Variants in TP73 observed in about 807,000 individuals in gnomAD.
TP73 encodes p53-like transcription factor.
A neutral mutation model predicts 62.5 loss-of-function variants in TP73; 25 were observed. That is an observed-to-expected ratio of 0.40 (90% CI 0.29 to 0.56). TP73 has a LOEUF of 0.56. TP73 is among the 20% of genes least tolerant of loss of function. The pLI, the probability that TP73 is intolerant of heterozygous loss-of-function variation, is 0.46. For synonymous variants in TP73, 423 were observed against 377.5 expected, an observed-to-expected ratio of 1.12 and a Z score of -1.40; for missense variants, 754 against 913.3, an observed-to-expected ratio of 0.83 and a Z score of 2.25.
At position 3,682,222 on chromosome 1, in the gene TP73, C is replaced by T; in HGVS notation, c.-33-111C>T. On this transcript the variant is annotated intron_variant, in intron 1 of 13. Transcript: ENST00000378295. ...GGAGGGCAAGGCGGGGGCACCTGCT[C>T]CAGGGATGCCCCAGGCAGGCCCACT... 4.0e-6 allele frequency: 3 copies of T among 750,002 alleles called. No homozygotes were observed. In the South Asian group the frequency reaches 8.5e-5, roughly 21 times the overall value. The allele number at this position is 750,002 out of a possible 1,614,324, so 46.5% of individuals were successfully genotyped here.
intron 3 of TP73, chr1:3,690,768 T>C: frequency 6.8e-7 from 1 of 1,481,010 alleles, no homozygotes; most frequent in South Asian, 1.3e-5. Context: ...CCTGCCTCAC[T>C]AGCTGCGGAG....
At chr1:3,730,269 C>G in intron 11 of TP73, 121 bp downstream of exon 11, 1 of 1,188,502 alleles carries the variant, frequency 8.4e-7, no homozygotes, top group Non-Finnish European at 1.1e-6. Context: ...CTGGCTCCTT[C>G]CAGCGGTTCC....
In TP73 at chr1:3,722,290, G is replaced by A. The variant is rs578100614; in HGVS notation, c.616+83G>A. On this transcript the variant is annotated intron_variant, in intron 5 of 13. Coordinates refer to ENST00000378295, the MANE Select transcript of TP73 (RefSeq NM_005427.4). The stretch of plus-strand genomic sequence containing the variant: ...ACAGCCGGGGGCTGCCTAACTGGGA[G>A]AGAGTGGGGCTGACAGCATGGGCTT... The A allele has an allele frequency of 4.0e-5, 60 of 1,514,588 alleles. 1 individual carries two copies. The African/African-American group carries it at 4.2e-4, about 10-fold the overall frequency. The allele number at this position is 1,514,588 out of a possible 1,614,324, so 93.8% of individuals were successfully genotyped here.
intron 13 of TP73, 83 bp downstream of exon 13, chr1:3,731,639 G>GC (rs1642148468): frequency 7.8e-7 from 1 of 1,279,840 alleles, no homozygotes; most frequent in Non-Finnish European, 1.1e-6. Flanking sequence ...TCTCTTCCTT[G>GC]CTCTCGTGGC....
chr1:3,659,097 C>T (rs1644932496), intron 1 of TP73: 2 of 152,026 alleles, frequency 1.3e-5, no homozygotes, highest in Admixed American at 6.6e-5. Flanking sequence ...TGAAACTTCC[C>T]CAAGAAGCTC....
chr1:3,661,815 AT>A (rs1444300808), intron 1 of TP73, among the ~76,000 whole-genome samples: 4 of 147,814 alleles, frequency 2.7e-5, no homozygotes, highest in African/African-American at 9.8e-5. Flanking sequence ...TAATATATGT[AT>A]TATATATATA....
chr1:3,671,852 A>G (rs1359195404), intron 1 of TP73, among the ~76,000 whole-genome samples: 2 of 151,672 alleles, frequency 1.3e-5, no homozygotes, highest in Non-Finnish European at 2.9e-5. Context: ...GGGTGGGTGG[A>G]CCCCCGTGAT....
intron 9 of TP73, among the ~76,000 whole-genome samples, chr1:3,728,868 CTGAGGCAGGAGGATCA>C (rs969067238): frequency 5.9e-5 from 9 of 152,294 alleles, no homozygotes; most frequent in African/African-American, 2.2e-4. Context: ...ACTCAGAAGA[CTGAGGCAGGAGGATCA>C]CCTGAGGGCA....
At chr1:3,693,371 G>C (rs1008233019) in intron 3 of TP73, among the ~76,000 whole-genome samples, 8 of 152,158 alleles carry the variant, frequency 5.3e-5, no homozygotes, top group Non-Finnish European at 1.2e-4. Flanking sequence ...CTGCTCCGGA[G>C]CCCGCTGGGC....
chr1:3,684,817 C>G (rs1400535445), intron 3 of TP73, among the ~76,000 whole-genome samples: 3 of 144,996 alleles, frequency 2.1e-5, no homozygotes, highest in African/African-American at 7.5e-5. Flanking sequence ...TGCGCGTGTT[C>G]TAGTCCCGTG....
At chr1:3,723,528 G>C in intron 6 of TP73, 59 bp downstream of exon 6, 1 of 813,876 alleles carries the variant, frequency 1.2e-6, no homozygotes. Flanking sequence ...GGTCGGGGGA[G>C]GGGTCCCCTG....
At chr1:3,721,058 G>T (rs569743043) in intron 4 of TP73, among the ~76,000 whole-genome samples, 1 of 152,348 alleles carries the variant, frequency 6.6e-6, no homozygotes, top group South Asian at 2.1e-4. Context: ...TTTGGGGAGA[G>T]AGCATGAGGA....
intron 4 of TP73, among the ~76,000 whole-genome samples, chr1:3,710,200 G>A (rs3753209): frequency 0.13 from 18,812 of 146,554 alleles, 1,248 homozygotes; most frequent in Middle Eastern, 0.18. Context: ...ATGCTGGGGC[G>A]GGGGGAGGGT....
intron 1 of TP73, among the ~76,000 whole-genome samples, chr1:3,660,534 T>C (rs1318941160): frequency 6.6e-6 from 1 of 152,216 alleles, no homozygotes; most frequent in Non-Finnish European, 1.5e-5. Context: ...AAAATAAAAA[T>C]GCTAATAGTT....
intron 4 of TP73, among the ~76,000 whole-genome samples, chr1:3,716,091 C>T (rs1324740693): frequency 6.6e-6 from 1 of 152,228 alleles, no homozygotes; most frequent in East Asian, 1.9e-4. Context: ...TTGCCCCTGG[C>T]CTGCCCTCCC....
chr1:3,679,970 CCTGTCTCT>C (rs1441454364), intron 1 of TP73, among the ~76,000 whole-genome samples: 1 of 149,916 alleles, frequency 6.7e-6, no homozygotes, highest in Non-Finnish European at 1.5e-5. Flanking sequence ...TCTCTTTGTC[CCTGTCTCT>C]CTGTCTCTCT....
At chr1:3,731,192 C>G (rs546895374) in intron 12 of TP73, 127 bp downstream of exon 12, 7 of 1,342,506 alleles carry the variant, frequency 5.2e-6, no homozygotes, top group Non-Finnish European at 7.0e-6. Context: ...ATCAGACAGG[C>G]GGGCGGGGGC....
intron 3 of TP73, among the ~76,000 whole-genome samples, chr1:3,698,693 G>T (rs1298334424): frequency 6.6e-6 from 1 of 152,166 alleles, no homozygotes; most frequent in African/African-American, 2.4e-5. Context: ...GTGGGGCGAG[G>T]CCCTTGCACC....
At chr1:3,705,149 G>A (rs763019511) in intron 3 of TP73, among the ~76,000 whole-genome samples, 11 of 152,220 alleles carry the variant, frequency 7.2e-5, no homozygotes, top group Non-Finnish European at 1.3e-4. Flanking sequence ...AGATCCTCCC[G>A]CCTCTGCCCC....
Sources: allele counts gnomAD v4.1 joint callset (sites outside exome capture counted in the v4.1 genomes callset), GRCh38; gene constraint gnomAD v4.1.1; transcripts MANE v1.5; gene names NCBI Gene and HGNC (gene_info 2026-07-23, HGNC 2026-07-21).